The following CSTPP1 variants were observed in gnomAD, a reference collection of about 807,000 sequenced individuals.
The protein encoded by CSTPP1 is centriolar satellite-associated tubulin polyglutamylase complex regulator 1.
chr11:47,128,839 A>C, the CSTPP1 span, among the ~76,000 whole-genome samples: 1 of 152,220 alleles, frequency 6.6e-6, no homozygotes, highest in Non-Finnish European at 1.5e-5. Context: ...AGTCAGACCA[A>C]GTTCTTTTCT....
the CSTPP1 span, among the ~76,000 whole-genome samples, chr11:47,044,008 A>G: frequency 6.6e-6 from 1 of 152,048 alleles, no homozygotes; most frequent in African/African-American, 2.4e-5. Flanking sequence ...TATTTTTGAG[A>G]TGGAGTCTCG....
chr11:47,142,558 C>T, the CSTPP1 span, among the ~76,000 whole-genome samples: 2 of 152,134 alleles, frequency 1.3e-5, no homozygotes, highest in African/African-American at 4.8e-5. Context: ...TCATTGGCTG[C>T]CACCACTCTG....
chr11:47,056,052 C>T, the CSTPP1 span, among the ~76,000 whole-genome samples: 2 of 152,176 alleles, frequency 1.3e-5, no homozygotes, highest in South Asian at 2.1e-4. Context: ...CTAGTACAGT[C>T]GTCTCTCAGT....
At chr11:47,150,228 T>C in the CSTPP1 span, among the ~76,000 whole-genome samples, 2 of 152,172 alleles carry the variant, frequency 1.3e-5, no homozygotes, top group African/African-American at 4.8e-5. Flanking sequence ...CTTGTAACCT[T>C]CGCCAAGTTT....
At chr11:47,101,393 A>C in the CSTPP1 span, among the ~76,000 whole-genome samples, 5 of 151,362 alleles carry the variant, frequency 3.3e-5, no homozygotes, top group Non-Finnish European at 7.4e-5. Flanking sequence ...CCAACCTCTA[A>C]TTCTCACTGA....
chr11:47,054,408 C>A, the CSTPP1 span, among the ~76,000 whole-genome samples: 1 of 151,678 alleles, frequency 6.6e-6, no homozygotes, highest in Admixed American at 6.6e-5. Flanking sequence ...AGCTTCCAGG[C>A]TCAAGTGATC....
chr11:47,090,512 A>ATAT, the CSTPP1 span, among the ~76,000 whole-genome samples: 5 of 152,208 alleles, frequency 3.3e-5, no homozygotes, highest in Non-Finnish European at 5.9e-5. Context: ...ACATATTAAC[A>ATAT]TATATAGAAT....
the CSTPP1 span, among the ~76,000 whole-genome samples, chr11:47,067,250 T>C: frequency 6.6e-6 from 1 of 152,208 alleles, no homozygotes; most frequent in Non-Finnish European, 1.5e-5. Context: ...TAATGAGTAA[T>C]CACTCTGGAG....
the CSTPP1 span, among the ~76,000 whole-genome samples, chr11:47,037,263 G>T: frequency 7.9e-6 from 1 of 126,140 alleles, no homozygotes; most frequent in African/African-American, 2.5e-5. Flanking sequence ...AAATAAGAAG[G>T]GAAAGCTCTT....
At chr11:47,148,885 A>G in the CSTPP1 span, among the ~76,000 whole-genome samples, 2 of 152,212 alleles carry the variant, frequency 1.3e-5, no homozygotes, top group Non-Finnish European at 2.9e-5. Flanking sequence ...CCTGGGGTCA[A>G]CTAATCCAGA....
the CSTPP1 span, among the ~76,000 whole-genome samples, chr11:47,070,156 G>A: frequency 7.2e-5 from 11 of 152,070 alleles, no homozygotes; most frequent in Admixed American, 2.0e-4. Flanking sequence ...CCCAGGAGTT[G>A]GAGAACATAA....
chr11:47,013,411 C>G, the CSTPP1 span, among the ~76,000 whole-genome samples: 2 of 152,108 alleles, frequency 1.3e-5, no homozygotes, highest in Non-Finnish European at 2.9e-5. Context: ...CTGCACCCCT[C>G]CTAACAGACC....
chr11:47,039,459 A>AGAGAGGGAGAGGGAGACCGTGGG, the CSTPP1 span, among the ~76,000 whole-genome samples: 6 of 126,404 alleles, frequency 4.7e-5, no homozygotes, highest in African/African-American at 1.3e-4. Context: ...GAGACCGTGG[A>AGAGAGGGAGAGGGAGACCGTGGG]GAGAGGGAGA....
the CSTPP1 span, among the ~76,000 whole-genome samples, chr11:47,162,626 G>C: frequency 3.3e-5 from 5 of 152,198 alleles, no homozygotes; most frequent in East Asian, 3.9e-4. Flanking sequence ...GCCTGGGGCA[G>C]ACACATCCCA....
the CSTPP1 span, among the ~76,000 whole-genome samples, chr11:47,145,323 C>T: frequency 6.6e-6 from 1 of 152,094 alleles, no homozygotes; most frequent in Admixed American, 6.5e-5. Context: ...GGCATGGTGG[C>T]ACACGCCTGT....
the CSTPP1 span, among the ~76,000 whole-genome samples, chr11:47,126,660 G>A: frequency 6.7e-6 from 1 of 148,890 alleles, no homozygotes; most frequent in African/African-American, 2.5e-5. Flanking sequence ...TGGCCAGCAC[G>A]GTGGCTTATG....
the CSTPP1 span, among the ~76,000 whole-genome samples, chr11:47,049,490 T>C: frequency 6.6e-6 from 1 of 151,176 alleles, no homozygotes; most frequent in Admixed American, 6.6e-5. Context: ...TCCAAAAAAA[T>C]AGCTGAGTGT....
chr11:46,940,682 T>G, the CSTPP1 span, among the ~76,000 whole-genome samples: 283 of 152,186 alleles, frequency 1.9e-3, no homozygotes, highest in African/African-American at 3.0e-3. Flanking sequence ...GACATATATA[T>G]AGAGAGAGAG....
the CSTPP1 span, among the ~76,000 whole-genome samples, chr11:46,940,278 A>G: frequency 6.6e-6 from 1 of 152,208 alleles, no homozygotes; most frequent in East Asian, 1.9e-4. Context: ...GCACTGGTAA[A>G]CAAGTTGTTT....
Sources: allele counts gnomAD v4.1 joint callset (sites outside exome capture counted in the v4.1 genomes callset), GRCh38; gene constraint gnomAD v4.1.1; transcripts MANE v1.5; gene names NCBI Gene and HGNC (gene_info 2026-07-23, HGNC 2026-07-21).